Variants in MEIS3 observed in about 807,000 individuals in gnomAD.
MEIS3 encodes homeobox protein Meis3.
A neutral mutation model predicts 51.4 loss-of-function variants in MEIS3; 38 were observed. That is an observed-to-expected ratio of 0.74 (90% confidence interval 0.57 to 0.97). The LOEUF (loss-of-function observed/expected upper bound fraction) is 0.97. Among genes scored for constraint, MEIS3 ranks in the 50% least tolerant of loss-of-function variants. The pLI is 0.00. For synonymous variants in MEIS3, 198 were observed against 201.8 expected, an observed-to-expected ratio of 0.98 and a Z score of 0.16; for missense variants, 456 against 502.6, an observed-to-expected ratio of 0.91 and a Z score of 0.89.
intron 7 of MEIS3, 47 bp from the exon 8 acceptor site, chr19:47,409,294 G>T: frequency 6.3e-7 from 1 of 1,587,902 alleles, no homozygotes; most frequent in East Asian, 2.3e-5. Flanking sequence ...GAAGAGTGGA[G>T]GACCAGAGGG....
intron 1 of MEIS3, chr19:47,418,755 C>A: frequency 4.2e-6 from 1 of 239,534 alleles, no homozygotes; most frequent in Non-Finnish European, 7.2e-6. Flanking sequence ...GGGGGGAGAC[C>A]AGGGACAGAG....
rs775825913 is a variant in MEIS3 at position 47,416,889 on chromosome 19, G to GCC, written c.258_259dup (p.Ala87GlyfsTer47). The stretch of plus-strand genomic sequence containing the variant: ...AGGGGGTGTCCCCAGCCCAGCTCCG[G>GCC]CCCCGTCACGGGGAGAGCATGTAGC... On this transcript the variant is annotated frameshift_variant, in exon 3 of 13. Coordinates refer to ENST00000558555, the MANE Select transcript of MEIS3 (RefSeq NM_001301059.2). LOFTEE classifies it high-confidence loss of function. The GCC allele has an allele frequency of 1.2e-6, 2 of 1,613,762 alleles. No individual in the cohort carries two copies. Among genetic ancestry groups the GCC allele is most frequent in the Non-Finnish European group, 1.7e-6 (2 of 1,179,918 alleles).
Position 47,419,266 on chromosome 19 carries a change from G to T in MEIS3, c.-185C>A, listed in dbSNP as rs1029928640. 3.0e-5 allele frequency: 9 copies of T among 301,146 alleles called. No individual in the cohort carries two copies. In the Admixed American group the frequency reaches 4.2e-4, roughly 14 times the overall value. 18.7% of individuals were successfully genotyped at this position (301,146 alleles called of 1,614,324 possible). On this transcript the variant is annotated 5_prime_UTR_variant, in exon 1 of 13. Transcript: ENST00000558555. ...GCGCCGGGCCGGGTGGGGACTCCGC[G>T]CATGGACCCCGGCCCCCGCCCCCAG...
chr19:47,412,718 C>G (rs1020326656), intron 6 of MEIS3, among the ~76,000 whole-genome samples: 1 of 152,148 alleles, frequency 6.6e-6, no homozygotes, highest in African/African-American at 2.4e-5. Flanking sequence ...CGTGCCACCA[C>G]GCCTGTCTAA....
In MEIS3 at chr19:47,415,125, G is replaced by C. The variant is rs2122545566; in HGVS notation, c.397-24C>G. The C allele has an allele frequency of 2.7e-6, 4 of 1,463,320 alleles. 1 individual carries two copies. In the East Asian group the frequency reaches 1.0e-4, roughly 37 times the overall value. The allele number at this position is 1,463,320 out of a possible 1,614,324, so 90.6% of individuals were successfully genotyped here. On this transcript the variant is annotated intron_variant, in intron 4 of 12. Transcript: ENST00000558555. ...ATCTGAAAACGTGGGCGGGAGGTGGGGGGAGACAGAGGGAATTGGGGGAGG... is the reference window on the plus strand; with the variant it reads ...ATCTGAAAACGTGGGCGGGAGGTGGCGGGAGACAGAGGGAATTGGGGGAGG...
At chr19:47,403,582 A>C in intron 12 of MEIS3, 29 bp from the exon 13 acceptor site, 1 of 408,310 alleles carries the variant, frequency 2.4e-6, no homozygotes, top group South Asian at 1.8e-5. Context: ...AGGCCAAGTC[A>C]GGAGCGGGCA....
At chr19:47,416,744 T>G in intron 3 of MEIS3, 42 bp from the exon 4 acceptor site, 2 of 1,611,652 alleles carry the variant, frequency 1.2e-6, no homozygotes. Context: ...TGTCCCGCCT[T>G]CCACCCACCC....
chr19:47,411,874 T>G (rs750434266), intron 6 of MEIS3, among the ~76,000 whole-genome samples: 5 of 151,260 alleles, frequency 3.3e-5, no homozygotes, highest in African/African-American at 9.7e-5. Flanking sequence ...GACAGAGTCT[T>G]GCTCTGTCAC....
In MEIS3 at chr19:47,414,870, G is replaced by C. The variant is rs762810277; in HGVS notation, c.448-4C>G. On this transcript the variant is annotated splice_region_variant and splice_polypyrimidine_tract_variant and intron_variant, in intron 5 of 12. Coordinates refer to ENST00000558555, the MANE Select transcript of MEIS3 (RefSeq NM_001301059.2). ...AGTTGTCGCACAGGTCGTGGACCTG[G>C]GGGGGCACCGGGGTACTGGGGGGGG... is the stretch of plus-strand genomic sequence containing the variant. 1.2e-6 allele frequency: 2 copies of C among 1,610,342 alleles called. No homozygotes were observed. The highest frequency in any genetic ancestry group is 1.1e-5 in the South Asian group (1 of 90,930).
chr19:47,417,808 T>C, intron 1 of MEIS3: 1 of 622,414 alleles, frequency 1.6e-6, no homozygotes, highest in Non-Finnish European at 2.9e-6. Flanking sequence ...TCAGAGTAAG[T>C]CTCAACAACA....
chr19:47,421,542 C>T (rs12609495), upstream of MEIS3, among the ~76,000 whole-genome samples: 105,943 of 151,992 alleles, frequency 0.7, 40,234 homozygotes, highest in Non-Finnish European at 0.85. Context: ...CTTTATCAAC[C>T]GCTCTGTGTC....
At chr19:47,406,839 T>C (rs1970843085) in intron 11 of MEIS3, 49 bp downstream of exon 11, 5 of 1,477,110 alleles carry the variant, frequency 3.4e-6, no homozygotes, top group African/African-American at 1.4e-5. Context: ...GTTTTACAGG[T>C]GGGTCATGGT....
Position 47,419,210 on chromosome 19 carries a change from G to C in MEIS3, c.-129C>G. 3.5e-6 allele frequency: 2 copies of C among 574,248 alleles called. No homozygotes were observed. The highest frequency in any genetic ancestry group is 7.8e-5 in the East Asian group (2 of 25,796). The allele number at this position is 574,248 out of a possible 1,614,324, so 35.6% of individuals were successfully genotyped here. A position where few individuals can be genotyped will look rare whatever the true frequency, so the allele number is the denominator to read the frequency against. ...GGGGTGGGCAGGAGGCCAGGCGCGCGCCCCCCCACCCCCGCCGCCGTCAGC... is the reference window on the plus strand; with the variant it reads ...GGGGTGGGCAGGAGGCCAGGCGCGCCCCCCCCCACCCCCGCCGCCGTCAGC... On this transcript the variant is annotated 5_prime_UTR_variant, in exon 1 of 13. Coordinates refer to ENST00000558555, the MANE Select transcript of MEIS3 (RefSeq NM_001301059.2).
In MEIS3 at chr19:47,403,148, T is replaced by TA. The variant is rs200674772; in HGVS notation, c.*422dup. ...CTCCGTGTTTTTAAGACTTTATCAT[T>TA]AAAAAAAAGAAGAAATTAGAGAAGG... On this transcript the variant is annotated 3_prime_UTR_variant, in exon 13 of 13. Transcript: ENST00000558555. 98 of 234,924 alleles carry TA rather than the reference T, an allele frequency of 4.2e-4. No individual in the cohort carries two copies. The highest frequency in any genetic ancestry group is 1.8e-3 in the Middle Eastern group (1 of 548). The allele number at this position is 234,924 out of a possible 1,614,324, so 14.6% of individuals were successfully genotyped here.
intron 12 of MEIS3, among the ~76,000 whole-genome samples, chr19:47,404,239 C>A (rs1329575720): frequency 6.6e-6 from 1 of 151,892 alleles, no homozygotes; most frequent in Non-Finnish European, 1.5e-5. Context: ...GATGAGAAGA[C>A]CCCTCCATCA....
chr19:47,419,092 C>T lies in MEIS3; in HGVS notation c.-11G>A. 4 of 1,242,900 alleles carry T rather than the reference C, an allele frequency of 3.2e-6. No homozygotes were observed. The highest frequency in any genetic ancestry group is 4.0e-6 in the Non-Finnish European group (4 of 994,448). 77.0% of individuals were successfully genotyped at this position (1,242,900 alleles called of 1,614,324 possible). On this transcript the variant is annotated 5_prime_UTR_variant, in exon 1 of 13. Transcript: ENST00000558555. The stretch of plus-strand genomic sequence containing the variant: ...TACCCTCCGGGCCATGGGCTGAGGC[C>T]GGCGGCAGCTCCTGGGTCCCTCCAG...
chr19:47,407,117 C>G lies in MEIS3; in HGVS notation c.956G>C (p.Arg319Pro), dbSNP rs1970868458. Residue 319 changes from arginine to proline, a missense_variant, in exon 10 of 13, where the codon CGC becomes CCC. Arg to Pro is a moderately radical substitution (Grantham distance 103). Coordinates refer to ENST00000558555, the MANE Select transcript of MEIS3 (RefSeq NM_001301059.2). ...TTGATCGATCATAGGTTGCACGATG[C>G]GTCTCCGGGCGTTAATGAACCTGGG... ...VNNWFINARR[R>P]IVQPMIDQSN... 1 of 1,610,058 alleles carries G rather than the reference C, an allele frequency of 6.2e-7. No individual in the cohort carries two copies. Among genetic ancestry groups the G allele is most frequent in the Admixed American group, 1.7e-5 (1 of 59,284 alleles).
intron 1 of MEIS3, chr19:47,418,773 G>A (rs1200570923): frequency 3.3e-6 from 1 of 306,722 alleles, no homozygotes; most frequent in East Asian, 4.9e-5. Context: ...GAGAGAGGGG[G>A]ACAGAGAGGC....
At chr19:47,420,796 C>T (rs937118720), upstream of MEIS3, among the ~76,000 whole-genome samples, 1 of 147,744 alleles carries the variant, frequency 6.8e-6, no homozygotes, top group Non-Finnish European at 1.5e-5. Context: ...CGGCGGGGGA[C>T]GGAGGGAGCA....
Sources: allele counts gnomAD v4.1 joint callset (sites outside exome capture counted in the v4.1 genomes callset), GRCh38; gene constraint gnomAD v4.1.1; transcripts MANE v1.5; gene names NCBI Gene and HGNC (gene_info 2026-07-23, HGNC 2026-07-21).